ROBO2: variants seen among roughly 807,000 people sequenced by gnomAD.
ROBO2 encodes the protein roundabout guidance receptor 2.
ROBO2 carries 53 observed loss-of-function variants against 160.8 expected under a neutral mutation model. That is an observed-to-expected ratio of 0.33 (90% CI 0.26 to 0.41). ROBO2 has a LOEUF of 0.41. ROBO2 is among the 10% of genes least tolerant of loss of function. ROBO2 has a pLI of 1.00. For synonymous variants in ROBO2, 664 were observed against 611.7 expected (o/e 1.09, Z -1.26); for missense variants, 1,577 against 1,722.4 (o/e 0.92, Z 1.49).
At chr3:76,356,102 A>G (rs566562499) in intron 2 of ROBO2, among the ~76,000 whole-genome samples, 4 of 151,810 alleles carry the variant, frequency 2.6e-5, no homozygotes, top group African/African-American at 4.8e-5. Context: ...TTACTTTTCA[A>G]TTTATAAATA....
At chr3:77,450,042 A>T (rs924677129) in intron 2 of ROBO2, among the ~76,000 whole-genome samples, 277 of 149,928 alleles carry the variant, frequency 1.8e-3, no homozygotes, top group Non-Finnish European at 2.9e-3. Flanking sequence ...AAAAAAAAAA[A>T]TTTGTAAAGT....
intron 2 of ROBO2, among the ~76,000 whole-genome samples, chr3:76,255,452 G>A (rs1167676010): frequency 1.3e-5 from 2 of 151,982 alleles, no homozygotes; most frequent in African/African-American, 4.8e-5. Flanking sequence ...TTTTCGCCAA[G>A]AGCCTCTTGG....
At chr3:75,948,063 C>A (rs1948386861) in intron 2 of ROBO2, among the ~76,000 whole-genome samples, 1 of 151,940 alleles carries the variant, frequency 6.6e-6, no homozygotes, top group Non-Finnish European at 1.5e-5. Context: ...TTGCCCATTG[C>A]AAATAATAAA....
At chr3:77,638,400 G>A (rs1230777396) in intron 24 of ROBO2, among the ~76,000 whole-genome samples, 1 of 152,130 alleles carries the variant, frequency 6.6e-6, no homozygotes, top group African/African-American at 2.4e-5. Context: ...GACCTTTATG[G>A]TTTCTGAGGG....
At chr3:77,542,049 A>T (rs1352264682) in intron 6 of ROBO2, among the ~76,000 whole-genome samples, 1 of 151,872 alleles carries the variant, frequency 6.6e-6, no homozygotes, top group Non-Finnish European at 1.5e-5. Flanking sequence ...ACATCTGTCT[A>T]CTCCCTCTCT....
intron 2 of ROBO2, among the ~76,000 whole-genome samples, chr3:76,080,061 C>G (rs1415647781): frequency 1.3e-5 from 2 of 152,136 alleles, no homozygotes; most frequent in East Asian, 1.9e-4. Flanking sequence ...TGTGTAGAAA[C>G]ATGACACACT....
At chr3:76,371,021 G>A (rs964007943) in intron 2 of ROBO2, among the ~76,000 whole-genome samples, 6 of 151,810 alleles carry the variant, frequency 4.0e-5, no homozygotes, top group African/African-American at 9.7e-5. Context: ...TCCCCCATGA[G>A]TAGTTACATA....
intron 1 of ROBO2, among the ~76,000 whole-genome samples, chr3:77,047,265 C>T (rs191217395): frequency 2.6e-4 from 39 of 152,346 alleles, no homozygotes; most frequent in Middle Eastern, 3.4e-3. Flanking sequence ...TGAGCAATCA[C>T]TACTGAATGA....
chr3:76,693,248 G>A (rs1260669943), intron 2 of ROBO2, among the ~76,000 whole-genome samples: 1 of 132,944 alleles, frequency 7.5e-6, no homozygotes, highest in Non-Finnish European at 1.6e-5. Flanking sequence ...ATACATATAT[G>A]TGTATATACA....
At chr3:77,352,394 G>A (rs535629678) in intron 2 of ROBO2, among the ~76,000 whole-genome samples, 15 of 152,148 alleles carry the variant, frequency 9.9e-5, no homozygotes, top group African/African-American at 3.6e-4. Flanking sequence ...CATGCAGGTG[G>A]TCTGACATCC....
At chr3:77,490,620 C>T (rs1449474858) in intron 4 of ROBO2, among the ~76,000 whole-genome samples, 1 of 152,102 alleles carries the variant, frequency 6.6e-6, no homozygotes, top group Non-Finnish European at 1.5e-5. Context: ...CGAACAATGG[C>T]TTAGGCATAA....
At chr3:75,921,433 A>T (rs529970864) in intron 1 of ROBO2, among the ~76,000 whole-genome samples, 1 of 152,238 alleles carries the variant, frequency 6.6e-6, no homozygotes, top group Non-Finnish European at 1.5e-5. Context: ...ACTAAAGAAA[A>T]TAGAAAAAAA....
chr3:76,768,880 C>T (rs2061719246), intron 2 of ROBO2, among the ~76,000 whole-genome samples: 1 of 151,250 alleles, frequency 6.6e-6, no homozygotes, highest in Non-Finnish European at 1.5e-5. Flanking sequence ...ATATCTTGGT[C>T]AGATGAAGAA....
At chr3:76,558,877 C>T (rs745771990) in intron 2 of ROBO2, among the ~76,000 whole-genome samples, 1 of 152,146 alleles carries the variant, frequency 6.6e-6, no homozygotes, top group Non-Finnish European at 1.5e-5. Context: ...TCTGCTTAAA[C>T]ATTTAACAGA....
chr3:77,058,708 T>G (rs2065995444), intron 1 of ROBO2, among the ~76,000 whole-genome samples: 1 of 151,946 alleles, frequency 6.6e-6, no homozygotes, highest in Admixed American at 6.6e-5. Flanking sequence ...TTTTTTTTTT[T>G]TGTATTTTTT....
intron 2 of ROBO2, among the ~76,000 whole-genome samples, chr3:77,345,647 T>C (rs1229564378): frequency 6.6e-6 from 1 of 152,174 alleles, no homozygotes; most frequent in Non-Finnish European, 1.5e-5. Flanking sequence ...TACACACTTA[T>C]ATAATGATGT....
At chr3:77,218,821 T>C (rs56863501) in intron 2 of ROBO2, among the ~76,000 whole-genome samples, 5,387 of 152,310 alleles carry the variant, frequency 0.035, 113 homozygotes, top group Middle Eastern at 0.058. Flanking sequence ...AGTGCTACAG[T>C]ATCAAGAGCT....
chr3:76,014,953 A>T (rs542695464), intron 2 of ROBO2, among the ~76,000 whole-genome samples: 8 of 152,288 alleles, frequency 5.3e-5, no homozygotes, highest in Admixed American at 2.0e-4. Context: ...AAAGACATAC[A>T]TACATACATA....
At chr3:76,757,563 T>C (rs1185969914) in intron 2 of ROBO2, among the ~76,000 whole-genome samples, 1 of 151,606 alleles carries the variant, frequency 6.6e-6, no homozygotes, top group African/African-American at 2.4e-5. Flanking sequence ...TAATCAATTT[T>C]GATCTTACAA....
Sources: gnomAD v4.1 joint callset for allele counts (sites outside exome capture counted in the v4.1 genomes callset) on GRCh38, gnomAD v4.1.1 for gene constraint, MANE v1.5 for transcripts, NCBI Gene and HGNC (gene_info 2026-07-23, HGNC 2026-07-21) for gene names.